Variants in PTPRG observed in about 807,000 individuals in gnomAD.
The protein encoded by PTPRG is protein tyrosine phosphatase receptor type G.
Under a neutral mutation model 165.3 loss-of-function variants are expected in PTPRG, and 102 were observed. That is an observed-to-expected ratio of 0.62 (90% CI 0.53 to 0.73). The LOEUF (loss-of-function observed/expected upper bound fraction) is 0.73. Ranked by LOEUF, PTPRG falls within the 30% of genes least tolerant of loss-of-function variation. PTPRG has a pLI of 0.00. For missense variants in PTPRG, 1,866 were observed against 1,861.4 expected (o/e 1.00, Z -0.05); for synonymous variants, 675 against 669.5 (o/e 1.01, Z -0.13).
At chr3:61,718,213 C>CA (rs376955925) in intron 1 of PTPRG, among the ~76,000 whole-genome samples, 8,070 of 102,282 alleles carry the variant, frequency 0.079, 594 homozygotes, top group African/African-American at 0.23. Context: ...AAACAAAAAC[C>CA]AAAAAAAAAA....
chr3:62,282,789 C>T lies in PTPRG; in HGVS notation c.3975C>T (p.Pro1325=), dbSNP rs1209283402. The change falls in exon 28 of 30, where the codon CCC becomes CCT. Residue 1325 remains proline, a synonymous_variant. Coordinates refer to ENST00000474889, the MANE Select transcript of PTPRG (RefSeq NM_002841.4). ...QCPKWPNPDA[P]ISSTFELINV... ...CCAAATGGCCTAACCCAGATGCCCC[C>T]ATAAGTAGTACCTTTGAACTTATCA... 6.2e-7 allele frequency: 1 copy of T among 1,612,548 alleles called. No individual in the cohort carries two copies. The highest frequency in any genetic ancestry group is 1.7e-5 in the Admixed American group (1 of 59,898).
At chr3:61,936,435 G>A (rs1486093132) in intron 2 of PTPRG, among the ~76,000 whole-genome samples, 1 of 152,106 alleles carries the variant, frequency 6.6e-6, no homozygotes, top group South Asian at 2.1e-4. Context: ...GACTTTTTTA[G>A]CTTGGCTTTG....
intron 2 of PTPRG, among the ~76,000 whole-genome samples, chr3:61,754,512 T>A (rs2033568155): frequency 6.6e-6 from 1 of 152,186 alleles, no homozygotes; most frequent in South Asian, 2.1e-4. Context: ...TTGCTTATAA[T>A]TCCTTGTTTC....
intron 5 of PTPRG, among the ~76,000 whole-genome samples, chr3:62,127,667 G>A (rs1025533863): frequency 5.9e-5 from 9 of 152,194 alleles, no homozygotes; most frequent in Non-Finnish European, 1.3e-4. Flanking sequence ...AGGCAAGTAG[G>A]TTGTCTTGAC....
chr3:61,816,843 T>C (rs1382519211), intron 2 of PTPRG, among the ~76,000 whole-genome samples: 1 of 151,412 alleles, frequency 6.6e-6, no homozygotes, highest in Non-Finnish European at 1.5e-5. Context: ...CTCACTGTGC[T>C]GATGAGAAAA....
chr3:61,630,634 T>C (rs1389198653), intron 1 of PTPRG, among the ~76,000 whole-genome samples: 1 of 152,182 alleles, frequency 6.6e-6, no homozygotes, highest in African/African-American at 2.4e-5. Context: ...CATTGCAATG[T>C]GTTTGTGGTT....
At chr3:61,650,597 T>G (rs531063239) in intron 1 of PTPRG, among the ~76,000 whole-genome samples, 1 of 152,328 alleles carries the variant, frequency 6.6e-6, no homozygotes, top group African/African-American at 2.4e-5. Flanking sequence ...GTTTTGTGTT[T>G]GAGCCCATGT....
chr3:61,814,437 T>C (rs1390040242), intron 2 of PTPRG, among the ~76,000 whole-genome samples: 2 of 152,140 alleles, frequency 1.3e-5, no homozygotes, highest in Admixed American at 1.3e-4. Flanking sequence ...GAAATCCACC[T>C]GCAGACCTAT....
At chr3:61,972,645 TTTTTTTTCTTTTC>T (rs936246484) in intron 2 of PTPRG, among the ~76,000 whole-genome samples, 1 of 147,498 alleles carries the variant, frequency 6.8e-6, no homozygotes, top group African/African-American at 2.5e-5. Context: ...TTCTTTTTCT[TTTTTTTTCTTTTC>T]TTTTTTTTTT....
chr3:62,121,704 A>C (rs1703079604), intron 5 of PTPRG, among the ~76,000 whole-genome samples: 2 of 152,150 alleles, frequency 1.3e-5, no homozygotes, highest in South Asian at 2.1e-4. Context: ...CCTCTCCCCT[A>C]CTGGGACCAT....
intron 1 of PTPRG, among the ~76,000 whole-genome samples, chr3:61,617,133 A>G (rs922465499): frequency 1.3e-5 from 2 of 152,220 alleles, no homozygotes; most frequent in Non-Finnish European, 2.9e-5. Context: ...ACCAACTGAA[A>G]CAAGTCACAT....
chr3:61,817,213 T>C (rs1244793009), intron 2 of PTPRG, among the ~76,000 whole-genome samples: 1 of 139,448 alleles, frequency 7.2e-6, no homozygotes, highest in Non-Finnish European at 1.5e-5. Flanking sequence ...AATATAATAA[T>C]ATATATAAAT....
chr3:62,098,161 C>T (rs1702178195), intron 5 of PTPRG, among the ~76,000 whole-genome samples: 2 of 152,012 alleles, frequency 1.3e-5, no homozygotes, highest in African/African-American at 2.4e-5. Context: ...ACCTATATTA[C>T]ATGATTTGAT....
At chr3:61,734,384 C>T (rs1374733839) in intron 1 of PTPRG, among the ~76,000 whole-genome samples, 1 of 152,144 alleles carries the variant, frequency 6.6e-6, no homozygotes, top group Non-Finnish European at 1.5e-5. Flanking sequence ...GCTCCTAATA[C>T]CATCTATTTC....
intron 12 of PTPRG, among the ~76,000 whole-genome samples, chr3:62,211,600 A>G (rs1700359972): frequency 6.6e-6 from 1 of 152,206 alleles, no homozygotes; most frequent in South Asian, 2.1e-4. Flanking sequence ...AAATATGTTG[A>G]AATTCCCCAC....
At chr3:61,715,366 G>A (rs1310549081) in intron 1 of PTPRG, among the ~76,000 whole-genome samples, 1 of 151,994 alleles carries the variant, frequency 6.6e-6, no homozygotes, top group East Asian at 1.9e-4. Context: ...ACAGGTGTGT[G>A]CCACCACATC....
intron 6 of PTPRG, among the ~76,000 whole-genome samples, chr3:62,140,127 T>G (rs1053597779): frequency 2.6e-5 from 4 of 152,194 alleles, no homozygotes; most frequent in African/African-American, 9.6e-5. Flanking sequence ...ATTCACTGTT[T>G]AAAAAGAAAC....
At chr3:62,124,016 C>T (rs1413092323) in intron 5 of PTPRG, among the ~76,000 whole-genome samples, 1 of 152,072 alleles carries the variant, frequency 6.6e-6, no homozygotes, top group African/African-American at 2.4e-5. Flanking sequence ...ATATCACAGT[C>T]CAAGTGAGAG....
chr3:62,141,268 C>G (rs1465507326), intron 6 of PTPRG, among the ~76,000 whole-genome samples: 1 of 151,966 alleles, frequency 6.6e-6, no homozygotes, highest in Non-Finnish European at 1.5e-5. Flanking sequence ...CTAAGAGATT[C>G]CATTTCTATG....
Sources: gnomAD v4.1 joint callset for allele counts (sites outside exome capture counted in the v4.1 genomes callset) on GRCh38, gnomAD v4.1.1 for gene constraint, MANE v1.5 for transcripts, NCBI Gene and HGNC (gene_info 2026-07-23, HGNC 2026-07-21) for gene names.